The following FILIP1L variants were observed in gnomAD, a reference collection of about 807,000 sequenced individuals.
The protein encoded by FILIP1L is filamin A interacting protein 1 like.
In FILIP1L, 55 loss-of-function variants were observed where a neutral mutation model predicts 96.6. The ratio of observed to expected loss-of-function variants is 0.57; its 90% CI spans 0.46 to 0.71. FILIP1L has a LOEUF of 0.71. FILIP1L is among the 30% of genes least tolerant of loss of function. The pLI is 0.00. For synonymous variants in FILIP1L, 467 were observed against 473.9 expected (o/e 0.99, Z 0.19); for missense variants, 1,304 against 1,321.2 (o/e 0.99, Z 0.20).
intron 1 of FILIP1L, among the ~76,000 whole-genome samples, chr3:99,963,622 T>C (rs1489646082): frequency 6.6e-6 from 1 of 150,644 alleles, no homozygotes; most frequent in Non-Finnish European, 1.5e-5. Flanking sequence ...TTTTTTTTTC[T>C]TTTTTTTTAG....
At chr3:99,989,092 T>C (rs1381807274) in intron 1 of FILIP1L, among the ~76,000 whole-genome samples, 2 of 152,228 alleles carry the variant, frequency 1.3e-5, no homozygotes, top group Non-Finnish European at 2.9e-5. Flanking sequence ...TGTGATTCAC[T>C]CACAGTTCAT....
Position 99,909,418 on chromosome 3 carries a change from G to T in FILIP1L, c.605+14812C>A, listed in dbSNP as rs1371296587. Among the ~76,000 whole-genome samples, 3 of 152,272 alleles carry T rather than the reference G, an allele frequency of 2.0e-5. No homozygotes were observed. The South Asian group carries it at 6.2e-4, about 32-fold the overall frequency. On this transcript the variant is annotated intron_variant, in intron 4 of 5. Transcript: ENST00000477258. The stretch of plus-strand genomic sequence containing the variant: ...CTTGGGTCAGGTGAGGGGGTCTGGG[G>T]TGTGGGTGGAGTCATGGTATCAAAA...
intron 4 of FILIP1L, among the ~76,000 whole-genome samples, chr3:99,884,290 T>C (rs552830448): frequency 2.6e-5 from 4 of 152,318 alleles, no homozygotes; most frequent in African/African-American, 9.6e-5. Context: ...TTTTTATTTA[T>C]GGTGCTATCA....
chr3:99,930,654 T>C, intron 2 of FILIP1L, 115 bp downstream of exon 2: 1 of 1,136,020 alleles, frequency 8.8e-7, no homozygotes, highest in Middle Eastern at 3.0e-4. Context: ...ATGCTTTGCT[T>C]TCATGTACAC....
In FILIP1L at chr3:99,848,647, G is replaced by A; in HGVS notation, c.3029C>T (p.Ser1010Leu). ...GCGTCCCTGCTCAGGAGAGCTAGCT[G>A]AACCAGTCACAGCCAAAACCTGAAT... ...SPIQVLAVTG[S>L]ASSPEQGRSP... The change falls in exon 5 of 6, where the codon TCA becomes TTA. Residue 1010 changes from serine to leucine, a missense_variant. Coordinates refer to ENST00000477258, the MANE Select transcript of FILIP1L (RefSeq NM_001387850.1). 6.2e-7 allele frequency: 1 copy of A among 1,614,168 alleles called. No homozygotes were observed. The highest frequency in any genetic ancestry group is 8.5e-7 in the Non-Finnish European group (1 of 1,180,024).
chr3:99,906,795 A>G (rs1235413264), intron 4 of FILIP1L, among the ~76,000 whole-genome samples: 2 of 152,140 alleles, frequency 1.3e-5, no homozygotes, highest in African/African-American at 2.4e-5. Context: ...CTATAAGTAG[A>G]AGAGATGGTC....
chr3:100,109,228 A>G (rs184830630), intron 1 of FILIP1L, among the ~76,000 whole-genome samples: 3 of 152,006 alleles, frequency 2.0e-5, no homozygotes, highest in Non-Finnish European at 4.4e-5. Flanking sequence ...CTAAAAAAAA[A>G]TTTTTCAATG....
chr3:99,991,994 G>GTA (rs1161596187), intron 1 of FILIP1L, among the ~76,000 whole-genome samples: 8 of 145,388 alleles, frequency 5.5e-5, no homozygotes, highest in Admixed American at 2.1e-4. Flanking sequence ...GTATATATAC[G>GTA]TATATATATG....
chr3:99,856,098 GCTGCT>G (rs71130096), intron 4 of FILIP1L, among the ~76,000 whole-genome samples: 75 of 151,348 alleles, frequency 5.0e-4, no homozygotes, highest in South Asian at 2.1e-3. Context: ...TGCTGCTCTT[GCTGCT>G]CTGCTCTGCT....
chr3:100,015,189 G>C (rs1710305947), intron 1 of FILIP1L, among the ~76,000 whole-genome samples: 2 of 151,808 alleles, frequency 1.3e-5, no homozygotes, highest in African/African-American at 4.8e-5. Context: ...CTTCGTTGTA[G>C]ATCATTTGAC....
intron 1 of FILIP1L, among the ~76,000 whole-genome samples, chr3:99,961,113 G>A (rs1708477641): frequency 6.6e-6 from 1 of 152,140 alleles, no homozygotes; most frequent in African/African-American, 2.4e-5. Flanking sequence ...CTTGGAAAAT[G>A]CAATAAATCT....
At chr3:100,002,177 T>C (rs763723838) in intron 1 of FILIP1L, among the ~76,000 whole-genome samples, 10 of 152,218 alleles carry the variant, frequency 6.6e-5, no homozygotes, top group Non-Finnish European at 1.5e-4. Flanking sequence ...TATTTGGAGC[T>C]GATGGTGTTG....
chr3:99,985,963 A>G (rs116560621), intron 1 of FILIP1L, among the ~76,000 whole-genome samples: 1 of 152,202 alleles, frequency 6.6e-6, no homozygotes, highest in Non-Finnish European at 1.5e-5. Context: ...ATGACCACAG[A>G]ACACATTTGT....
chr3:99,856,379 C>A (rs908560509), intron 4 of FILIP1L, among the ~76,000 whole-genome samples: 1 of 152,122 alleles, frequency 6.6e-6, no homozygotes, highest in East Asian at 1.9e-4. Flanking sequence ...CTTTATGTAC[C>A]CTCAGGGGTA....
In FILIP1L at chr3:99,847,562, A is replaced by G. The variant is rs545049203; in HGVS notation, c.3381+733T>C. Among the ~76,000 whole-genome samples, 14 of 152,228 alleles carry G rather than the reference A, an allele frequency of 9.2e-5. No homozygotes were observed. In the South Asian group the frequency reaches 2.9e-3, roughly 32 times the overall value. On this transcript the variant is annotated intron_variant, in intron 5 of 5. Coordinates refer to ENST00000477258, the MANE Select transcript of FILIP1L (RefSeq NM_001387850.1). ...CTTTTTAATTTTATCATCTGCTTCT[A>G]TGTGCTCATGAAAACCAAAATTATT...
At position 99,931,006 on chromosome 3, in the gene FILIP1L, G is replaced by A; in HGVS notation, c.15C>T (p.Gly5=). Reference sequence around the variant, plus strand: ...TTTGGGCTGAGCCCTCGGTATCACTGCCTCTGGAACGCATTCTTTAAAGCC... The same window carrying A: ...TTTGGGCTGAGCCCTCGGTATCACTACCTCTGGAACGCATTCTTTAAAGCC... The part of the protein sequence containing the change: MRSR[G]SDTEGSAQKK... Residue 5 remains glycine (G), a synonymous_variant, in exon 2 of 6, where the codon GGC becomes GGT. Transcript: ENST00000477258. The A allele has an allele frequency of 6.2e-7, 1 of 1,613,662 alleles. No homozygotes were observed. Among genetic ancestry groups the A allele is most frequent in the Non-Finnish European group, 8.5e-7 (1 of 1,179,900 alleles).
chr3:99,968,131 C>T (rs1274378515), intron 1 of FILIP1L, among the ~76,000 whole-genome samples: 1 of 152,122 alleles, frequency 6.6e-6, no homozygotes. Context: ...CCTAGCCTTA[C>T]GTGGCAATTT....
chr3:99,837,869 T>C (rs2107498702), intron 5 of FILIP1L, among the ~76,000 whole-genome samples: 1 of 152,340 alleles, frequency 6.6e-6, no homozygotes, highest in African/African-American at 2.4e-5. Flanking sequence ...CTTGTCTTTA[T>C]AGTGGCTGGA....
chr3:100,111,138 C>G (rs936648137), intron 1 of FILIP1L, among the ~76,000 whole-genome samples: 1 of 152,048 alleles, frequency 6.6e-6, no homozygotes, highest in Non-Finnish European at 1.5e-5. Context: ...CTTTTAGCAA[C>G]TAAACTGAAT....
Sources: allele counts gnomAD v4.1 joint callset (sites outside exome capture counted in the v4.1 genomes callset), GRCh38; gene constraint gnomAD v4.1.1; transcripts MANE v1.5; gene names NCBI Gene and HGNC (gene_info 2026-07-23, HGNC 2026-07-21).